Variants in ANKRD13A observed in about 807,000 individuals in gnomAD.
ANKRD13A encodes the protein ankyrin repeat domain-containing protein 13A.
A neutral mutation model predicts 81.3 loss-of-function variants in ANKRD13A; 48 were observed. That is an observed-to-expected ratio of 0.59 (90% confidence interval 0.47 to 0.75). The LOEUF is 0.75. ANKRD13A is among the 30% of genes least tolerant of loss of function. The pLI is 0.00. For missense variants in ANKRD13A, 612 were observed against 734.0 expected (o/e 0.83, Z 1.92); for synonymous variants, 230 against 270.1 (o/e 0.85, Z 1.45).
chr12:110,010,600 T>C (rs7311261), intron 1 of ANKRD13A, among the ~76,000 whole-genome samples: 8,180 of 152,242 alleles, frequency 0.054, 537 homozygotes, highest in African/African-American at 0.16. Context: ...GGGAGGTGTG[T>C]GGACTGGGCT....
intron 1 of ANKRD13A, among the ~76,000 whole-genome samples, chr12:110,000,758 T>TG (rs1267338337): frequency 3.5e-4 from 51 of 146,866 alleles, no homozygotes; most frequent in African/African-American, 1.3e-3. Context: ...TTTCCTTCTT[T>TG]TTTTTTTTTT....
intron 1 of ANKRD13A, among the ~76,000 whole-genome samples, chr12:110,002,633 CA>C (rs1194626084): frequency 2.0e-5 from 3 of 152,058 alleles, no homozygotes; most frequent in Non-Finnish European, 2.9e-5. Flanking sequence ...AAAAAAAACC[CA>C]AAAAATTCTT....
At chr12:110,000,916 C>T (rs755301090) in intron 1 of ANKRD13A, among the ~76,000 whole-genome samples, 2 of 151,776 alleles carry the variant, frequency 1.3e-5, no homozygotes, top group Non-Finnish European at 2.9e-5. Context: ...CACCACCACG[C>T]CCGGCTAATT....
chr12:110,008,474 A>G (rs1412760718), intron 1 of ANKRD13A, among the ~76,000 whole-genome samples: 2 of 152,108 alleles, frequency 1.3e-5, no homozygotes, highest in African/African-American at 2.4e-5. Context: ...CTTGTGACGC[A>G]TTTGTCATCA....
chr12:110,033,135 G>A (rs1891799076), intron 12 of ANKRD13A, among the ~76,000 whole-genome samples: 1 of 148,574 alleles, frequency 6.7e-6, no homozygotes, highest in African/African-American at 2.5e-5. Context: ...CTCACTGCAA[G>A]CTCCGCCTCC....
chr12:109,999,788 A>G lies in ANKRD13A; in HGVS notation c.96+4A>G. The G allele has an allele frequency of 6.6e-7, 1 of 1,523,016 alleles. No homozygotes were observed. The highest frequency in any genetic ancestry group is 8.8e-7 in the Non-Finnish European group (1 of 1,132,488). The allele number at this position is 1,523,016 out of a possible 1,614,324, so 94.3% of individuals were successfully genotyped here. On this transcript the variant is annotated splice_donor_region_variant and intron_variant, in intron 1 of 14. Coordinates refer to ENST00000261739, the MANE Select transcript of ANKRD13A (RefSeq NM_033121.2). The surrounding 1 kb of genome is among the most constrained non-coding windows in gnomAD (Gnocchi z 4.3). ...CGAGAAGGAGCTGCAGGGCCAGGTG[A>G]GGGGCGGGGCGGGGGTCCGTCTCCC...
intron 1 of ANKRD13A, among the ~76,000 whole-genome samples, chr12:110,008,306 C>G (rs942351317): frequency 2.6e-5 from 4 of 152,148 alleles, no homozygotes; most frequent in African/African-American, 9.7e-5. Flanking sequence ...CGTTAATTGA[C>G]TATCTGAAGT....
intron 8 of ANKRD13A, among the ~76,000 whole-genome samples, chr12:110,026,555 C>T (rs1190802728): frequency 3.7e-5 from 5 of 135,204 alleles, no homozygotes; most frequent in African/African-American, 1.1e-4. Flanking sequence ...CCAGCCTGGA[C>T]AACAAGAGTG....
In ANKRD13A at chr12:110,010,868, G is replaced by A. The variant is rs138468554; in HGVS notation, c.97-1137G>A. ...TCTGCGTATCTTCAGAGACTGCAGG[G>A]GTAGTTAGTACCTGAATAACAGCTA... On this transcript the variant is annotated intron_variant, in intron 1 of 14. Transcript: ENST00000261739. 3.1e-3 allele frequency among the ~76,000 whole-genome samples: 479 copies of A among 152,242 alleles called. 5 individuals carry two copies. The highest frequency in any genetic ancestry group is 3.9e-3 in the Non-Finnish European group (262 of 68,018).
At chr12:110,023,298 A>AT (rs1171409541) in intron 6 of ANKRD13A, among the ~76,000 whole-genome samples, 3 of 151,800 alleles carry the variant, frequency 2.0e-5, no homozygotes, top group East Asian at 1.9e-4. Flanking sequence ...TCCTAAATAC[A>AT]TTTTTTTTCA....
chr12:110,015,578 G>A (rs1890747766), intron 3 of ANKRD13A, among the ~76,000 whole-genome samples: 1 of 152,054 alleles, frequency 6.6e-6, no homozygotes, highest in Admixed American at 6.6e-5. Flanking sequence ...TTGAGATGGG[G>A]TCTCACTCTG....
chr12:110,010,038 T>G (rs1890434355), intron 1 of ANKRD13A, among the ~76,000 whole-genome samples: 1 of 152,154 alleles, frequency 6.6e-6, no homozygotes, highest in African/African-American at 2.4e-5. Context: ...GGCTAATTTT[T>G]GTATTTTTAG....
In ANKRD13A at chr12:110,012,193, G is replaced by C. The variant is rs1340507900; in HGVS notation, c.229+56G>C. 1.7e-5 allele frequency: 26 copies of C among 1,525,624 alleles called. No individual in the cohort carries two copies. In the Admixed American group the frequency reaches 4.8e-4, roughly 28 times the overall value. The allele number at this position is 1,525,624 out of a possible 1,614,324, so 94.5% of individuals were successfully genotyped here. On this transcript the variant is annotated intron_variant, in intron 2 of 14. Transcript: ENST00000261739. ...CGTCTGAGCACCATGGTGAAACCCT[G>C]TCTCTACAAAAAAATATGAAAATTA...
intron 3 of ANKRD13A, among the ~76,000 whole-genome samples, chr12:110,015,641 G>C (rs1890751785): frequency 6.6e-6 from 1 of 151,784 alleles, no homozygotes; most frequent in South Asian, 2.1e-4. Context: ...CTGCCTCCCA[G>C]GTTCAAGCAA....
chr12:110,018,640 A>G lies in ANKRD13A; in HGVS notation c.544+152A>G. On this transcript the variant is annotated intron_variant, in intron 5 of 14. Coordinates refer to ENST00000261739, the MANE Select transcript of ANKRD13A (RefSeq NM_033121.2). The surrounding 1 kb of genome is among the most constrained non-coding windows in gnomAD (Gnocchi z 4.4). ...ATTCTTATTAATTATTCAGCTCTCCATCCCTGTCTTCGTTCTTGTCTGGCT... is the reference window on the plus strand; with the variant it reads ...ATTCTTATTAATTATTCAGCTCTCCGTCCCTGTCTTCGTTCTTGTCTGGCT... The G allele has an allele frequency of 3.2e-6, 3 of 941,310 alleles. No homozygotes were observed. The highest frequency in any genetic ancestry group is 1.8e-5 in the South Asian group (1 of 55,130). The allele number at this position is 941,310 out of a possible 1,614,324, so 58.3% of individuals were successfully genotyped here.
intron 2 of ANKRD13A, 150 bp downstream of exon 2, chr12:110,012,287 C>T (rs1566049589): frequency 2.3e-6 from 2 of 887,178 alleles, no homozygotes. Context: ...ATCACCTGAG[C>T]CCGGGGAGGT....
At chr12:110,002,631 C>A (rs991807259) in intron 1 of ANKRD13A, among the ~76,000 whole-genome samples, 7 of 152,144 alleles carry the variant, frequency 4.6e-5, no homozygotes, top group East Asian at 1.9e-4. Context: ...ACAAAAAAAA[C>A]CCAAAAAATT....
chr12:110,018,597 G>C lies in ANKRD13A; in HGVS notation c.544+109G>C. 1 of 1,326,778 alleles carries C rather than the reference G, an allele frequency of 7.5e-7. No individual in the cohort carries two copies. Among genetic ancestry groups the C allele is most frequent in the Non-Finnish European group, 1.0e-6 (1 of 971,900 alleles). 82.2% of individuals were successfully genotyped at this position (1,326,778 alleles called of 1,614,324 possible). ...TGACTTTTCTGTCTGATCCTTCCTA[G>C]GGCATGTTTTTTTGGTTATTCTTAT... On this transcript the variant is annotated intron_variant, in intron 5 of 14. Coordinates refer to ENST00000261739, the MANE Select transcript of ANKRD13A (RefSeq NM_033121.2). The surrounding 1 kb of genome is among the most constrained non-coding windows in gnomAD (Gnocchi z 4.4).
intron 10 of ANKRD13A, chr12:110,029,159 T>A (rs1891528916): frequency 4.4e-6 from 1 of 229,372 alleles, no homozygotes; most frequent in Non-Finnish European, 8.5e-6. Flanking sequence ...AATTCCTTTT[T>A]TTTTTTATTG....
Sources: gnomAD v4.1 joint callset for allele counts (sites outside exome capture counted in the v4.1 genomes callset) on GRCh38, gnomAD v4.1.1 for gene constraint, Gnocchi (gnomAD v3.1) non-coding constraint, MANE v1.5 for transcripts, NCBI Gene and HGNC (gene_info 2026-07-23, HGNC 2026-07-21) for gene names.